SLC43A2: variants seen among roughly 807,000 people sequenced by gnomAD.
The protein encoded by SLC43A2 is solute carrier family 43 member 2, also known as large neutral amino acids transporter small subunit 4.
A neutral mutation model predicts 63.2 loss-of-function variants in SLC43A2; 38 were observed. That is an observed-to-expected ratio of 0.60 (90% CI 0.46 to 0.79). The LOEUF is 0.79. Among genes scored for constraint, SLC43A2 ranks in the 30% least tolerant of loss-of-function variants. The pLI, the probability that SLC43A2 is intolerant of heterozygous loss-of-function variation, is 0.00. For missense variants in SLC43A2, 644 were observed against 756.2 expected (o/e 0.85, Z 1.74); for synonymous variants, 322 against 331.0 (o/e 0.97, Z 0.30).
At chr17:1,613,802 A>G (rs1907341355) in intron 4 of SLC43A2, among the ~76,000 whole-genome samples, 2 of 152,084 alleles carry the variant, frequency 1.3e-5, no homozygotes, top group African/African-American at 4.8e-5. Flanking sequence ...CTTTTCTCCA[A>G]TTAATATTAG....
chr17:1,576,745 G>C, intron 12 of SLC43A2, 25 bp from the exon 13 acceptor site: 1 of 1,604,922 alleles, frequency 6.2e-7, no homozygotes, highest in Non-Finnish European at 8.5e-7. Flanking sequence ...ACAGCTCACA[G>C]CCATCCTGCC....
chr17:1,615,650 T>A (rs946710926), intron 3 of SLC43A2, among the ~76,000 whole-genome samples: 14 of 149,756 alleles, frequency 9.3e-5, no homozygotes, highest in African/African-American at 3.2e-4. Flanking sequence ...GAGACCATCC[T>A]GGCTAACACA....
chr17:1,629,871 C>A (rs1251693629), upstream of SLC43A2, among the ~76,000 whole-genome samples: 3 of 152,244 alleles, frequency 2.0e-5, no homozygotes, highest in African/African-American at 7.2e-5. Flanking sequence ...ATTCGAGGCA[C>A]TAACCCGACC....
intron 6 of SLC43A2, 31 bp from the exon 7 acceptor site, chr17:1,591,730 G>T (rs759188303): frequency 1.2e-6 from 1 of 823,064 alleles, no homozygotes; most frequent in Non-Finnish European, 1.9e-6. Context: ...GGGGTGGGGG[G>T]GGGAGGGGGC....
At chr17:1,615,470 C>T (rs897527428) in intron 3 of SLC43A2, among the ~76,000 whole-genome samples, 2 of 150,320 alleles carry the variant, frequency 1.3e-5, no homozygotes, top group African/African-American at 2.5e-5. Context: ...CATAGGGGGC[C>T]GGGAGCCACT....
intron 5 of SLC43A2, among the ~76,000 whole-genome samples, chr17:1,599,123 C>T (rs1426109604): frequency 2.6e-5 from 4 of 151,856 alleles, no homozygotes; most frequent in South Asian, 2.1e-4. Flanking sequence ...CTGAGGTGGG[C>T]GGATCACGAG....
rs189186835 is a variant in SLC43A2 at position 1,586,212 on chromosome 17, T to C, written c.1079-161A>G. On this transcript the variant is annotated intron_variant, in intron 9 of 13. Transcript: ENST00000301335. ...TTGCGAGGAGCCCGGAGACCTTAAC[T>C]CTGAAGTTGAGGATGGAGCACGGGG... The C allele has an allele frequency of 1.1e-4, 130 of 1,165,472 alleles. No individual in the cohort carries two copies. In the African/African-American group the frequency reaches 1.8e-3, roughly 16 times the overall value. 72.2% of individuals were successfully genotyped at this position (1,165,472 alleles called of 1,614,324 possible).
intron 5 of SLC43A2, among the ~76,000 whole-genome samples, chr17:1,596,553 C>T (rs73282969): frequency 0.062 from 9,379 of 152,034 alleles, 963 homozygotes; most frequent in African/African-American, 0.21. Context: ...TATAAAGAAC[C>T]CCTACATCTC....
intron 5 of SLC43A2, 149 bp downstream of exon 5, chr17:1,613,046 C>T: frequency 1.5e-6 from 1 of 678,154 alleles, no homozygotes. Context: ...GAGGCCCTGC[C>T]AGGCCACCTC....
intron 11 of SLC43A2, among the ~76,000 whole-genome samples, chr17:1,580,592 C>T (rs1021730061): frequency 2.8e-5 from 4 of 144,872 alleles, no homozygotes; most frequent in East Asian, 2.0e-4. Flanking sequence ...GGGACGGTCT[C>T]GCTCTACACC....
intron 2 of SLC43A2, among the ~76,000 whole-genome samples, chr17:1,625,658 A>T (rs1056180620): frequency 2.0e-5 from 3 of 152,210 alleles, no homozygotes; most frequent in African/African-American, 7.2e-5. Flanking sequence ...GAGCAGTGTG[A>T]CCAGAGAGAT....
intron 9 of SLC43A2, 91 bp downstream of exon 9, chr17:1,590,710 GC>G: frequency 6.7e-7 from 1 of 1,489,780 alleles, no homozygotes; most frequent in Non-Finnish European, 9.0e-7. Context: ...GGCCCGGCTG[GC>G]CCGGCTCAGC....
intron 9 of SLC43A2, among the ~76,000 whole-genome samples, chr17:1,589,648 C>T (rs1904562656): frequency 1.3e-5 from 2 of 152,076 alleles, no homozygotes; most frequent in Non-Finnish European, 2.9e-5. Context: ...GAGATGGAGT[C>T]GCACTCTGTC....
intron 3 of SLC43A2, among the ~76,000 whole-genome samples, chr17:1,615,958 G>A (rs1598488534): frequency 6.6e-6 from 1 of 150,626 alleles, no homozygotes; most frequent in East Asian, 1.9e-4. Context: ...CAGGAGAATT[G>A]CTTGAACTGG....
At chr17:1,576,820 G>T in intron 12 of SLC43A2, 100 bp from the exon 13 acceptor site, 3 of 1,456,004 alleles carry the variant, frequency 2.1e-6, no homozygotes, top group Non-Finnish European at 2.7e-6. Context: ...GCCAGAGAAG[G>T]GTGGGGTGCC....
rs1162382926 is a variant in SLC43A2, at chr17:1,570,407, T to C, written c.*5197A>G. On this transcript the variant is annotated 3_prime_UTR_variant, in exon 14 of 14. Transcript: ENST00000301335. The stretch of plus-strand genomic sequence containing the variant: ...GCTGCTGAAAGTGGCTCTCCTGTTG[T>C]ATGGGCTTGGGTGTGGTGTGGTGGC... 1 of 152,274 alleles carries C rather than the reference T, an allele frequency of 6.6e-6. No individual in the cohort carries two copies. The highest frequency in any genetic ancestry group is 2.4e-5 in the African/African-American group (1 of 41,396). 9.4% of individuals were successfully genotyped at this position (152,274 alleles called of 1,614,324 possible).
Position 1,574,172 on chromosome 17 carries a change from G to A in SLC43A2, c.*1432C>T, listed in dbSNP as rs1230650487. 1.3e-5 allele frequency: 2 copies of A among 152,300 alleles called. No homozygotes were observed. Among genetic ancestry groups the A allele is most frequent in the Non-Finnish European group, 2.9e-5 (2 of 68,118 alleles). The allele number at this position is 152,300 out of a possible 1,614,324, so 9.4% of individuals were successfully genotyped here. ...TGGCTGGGAAAATCGGTAGAGGAGGGTGGCTCACACTTCTAAGATGTCTGC... is the reference window on the plus strand; with the variant it reads ...TGGCTGGGAAAATCGGTAGAGGAGGATGGCTCACACTTCTAAGATGTCTGC... On this transcript the variant is annotated 3_prime_UTR_variant, in exon 14 of 14. Coordinates refer to ENST00000301335, the MANE Select transcript of SLC43A2 (RefSeq NM_152346.3).
At chr17:1,607,479 G>A (rs1038205615) in intron 5 of SLC43A2, among the ~76,000 whole-genome samples, 3 of 152,172 alleles carry the variant, frequency 2.0e-5, no homozygotes, top group Non-Finnish European at 4.4e-5. Context: ...TCAAGGAGCA[G>A]GCACTGGAGC....
At chr17:1,586,529 T>A (rs2151038381) in intron 9 of SLC43A2, among the ~76,000 whole-genome samples, 1 of 152,120 alleles carries the variant, frequency 6.6e-6, no homozygotes. Flanking sequence ...ACCCCGTCTC[T>A]ACTAAAAATA....
Sources: allele counts gnomAD v4.1 joint callset (sites outside exome capture counted in the v4.1 genomes callset), GRCh38; gene constraint gnomAD v4.1.1; transcripts MANE v1.5; gene names NCBI Gene and HGNC (gene_info 2026-07-23, HGNC 2026-07-21).